The following DHX33 variants were observed in gnomAD, a reference collection of about 807,000 sequenced individuals.
The protein encoded by DHX33 is DEAH-box helicase 33.
A neutral mutation model predicts 72.5 loss-of-function variants in DHX33; 42 were observed. The ratio of observed to expected loss-of-function variants is 0.58; its 90% confidence interval spans 0.45 to 0.75. DHX33 has a LOEUF of 0.75. Ranked by LOEUF, DHX33 falls within the 30% of genes least tolerant of loss-of-function variation. The pLI, the probability that DHX33 is intolerant of heterozygous loss-of-function variation, is 0.00. For missense variants in DHX33, 842 were observed against 917.5 expected (o/e 0.92, Z 1.06); for synonymous variants, 358 against 366.1 (o/e 0.98, Z 0.25).
chr17:5,468,499 C>A, intron 1 of DHX33, 72 bp downstream of exon 1: 1 of 1,518,234 alleles, frequency 6.6e-7, no homozygotes, highest in Non-Finnish European at 8.9e-7. Context: ...GATTGAGAGG[C>A]ATGTAAGAAA....
chr17:5,463,802 C>G (rs995426685), intron 1 of DHX33, 113 bp from the exon 2 acceptor site: 6 of 1,064,824 alleles, frequency 5.6e-6, no homozygotes, highest in Non-Finnish European at 5.2e-6. Flanking sequence ...AGGAGGCTCT[C>G]TTGAGCCCAG....
chr17:5,456,118 C>T lies in DHX33; in HGVS notation c.914G>A (p.Ser305Asn), dbSNP rs1917181156. The change falls in exon 5 of 12, where the codon AGC (serine) becomes AAC (asparagine). Residue 305 changes from serine to asparagine, a missense_variant. By Grantham distance (46) the Ser-to-Asn change is conservative. Coordinates refer to ENST00000225296, the MANE Select transcript of DHX33 (RefSeq NM_020162.4). ...LTGQEEIEAM[S>N]KTCRDIAKHL... ...CTTTGCAATGTCTCGGCACGTCTTG[C>T]TCATGGCTTCGATCTCCTCCTGCCC... The T allele has an allele frequency of 7.4e-6, 12 of 1,614,136 alleles. No homozygotes were observed. Among genetic ancestry groups the T allele is most frequent in the African/African-American group, 1.3e-5 (1 of 75,042 alleles).
chr17:5,462,770 A>G (rs888090754), intron 2 of DHX33, among the ~76,000 whole-genome samples: 11 of 152,098 alleles, frequency 7.2e-5, no homozygotes, highest in Non-Finnish European at 1.6e-4. Context: ...TTAACCTTCT[A>G]CCTCAAGCTA....
intron 11 of DHX33, among the ~76,000 whole-genome samples, chr17:5,445,753 A>G (rs548164458): frequency 2.0e-5 from 3 of 152,322 alleles, no homozygotes; most frequent in Admixed American, 1.3e-4. Context: ...AAAGGTGAGA[A>G]AAGGGAAGGA....
chr17:5,459,807 A>C (rs1285156439), intron 4 of DHX33, among the ~76,000 whole-genome samples: 1 of 152,074 alleles, frequency 6.6e-6, no homozygotes, highest in Non-Finnish European at 1.5e-5. Context: ...TTCTTTAAAA[A>C]ATAATTTTTA....
intron 4 of DHX33, 142 bp downstream of exon 4, chr17:5,460,797 G>GC (rs1904562620): frequency 1.0e-6 from 1 of 1,004,728 alleles, no homozygotes; most frequent in Non-Finnish European, 1.4e-6. Context: ...GTGAGCCACC[G>GC]CACCTGGCCT....
chr17:5,462,229 C>G, intron 3 of DHX33, 90 bp downstream of exon 3: 1 of 1,278,302 alleles, frequency 7.8e-7, no homozygotes, highest in Non-Finnish European at 1.1e-6. Flanking sequence ...CGTGAGCCAC[C>G]GCGCCCAGCC....
rs770132802 is a variant in DHX33 at position 5,441,077 on chromosome 17, G to A, written c.*3128C>T. The A allele has an allele frequency of 6.6e-6, 1 of 151,616 alleles. No homozygotes were observed. Among genetic ancestry groups the A allele is most frequent in the South Asian group, 2.1e-4 (1 of 4,798 alleles). 9.4% of individuals were successfully genotyped at this position (151,616 alleles called of 1,614,324 possible). On this transcript the variant is annotated 3_prime_UTR_variant, in exon 12 of 12. Coordinates refer to ENST00000225296, the MANE Select transcript of DHX33 (RefSeq NM_020162.4). ...TTTTTTTTCTCCCTCTAGTTACCAAGGAATATCGTATCTCAGATGCATGGC... is the reference window on the plus strand; with the variant it reads ...TTTTTTTTCTCCCTCTAGTTACCAAAGAATATCGTATCTCAGATGCATGGC...
Position 5,463,521 on chromosome 17 carries a change from C to A in DHX33, c.450+8G>T, listed in dbSNP as rs1464569850. On this transcript the variant is annotated splice_region_variant and intron_variant, in intron 2 of 11. Coordinates refer to ENST00000225296, the MANE Select transcript of DHX33 (RefSeq NM_020162.4). The stretch of plus-strand genomic sequence containing the variant: ...AGAAGTACTAATAGTCAAGAAGGAA[C>A]CAGGTACCAGCTTCCCAAGTTCAGT... 6.2e-7 allele frequency: 1 copy of A among 1,613,288 alleles called. No homozygotes were observed. The highest frequency in any genetic ancestry group is 8.5e-7 in the Non-Finnish European group (1 of 1,179,612).
At chr17:5,445,999 G>T (rs1273765402) in intron 11 of DHX33, among the ~76,000 whole-genome samples, 1 of 152,050 alleles carries the variant, frequency 6.6e-6, no homozygotes, top group Non-Finnish European at 1.5e-5. Flanking sequence ...TAAGAGACAG[G>T]GTCTCACTCT....
chr17:5,464,251 G>T (rs1260264109), intron 1 of DHX33, among the ~76,000 whole-genome samples: 3 of 152,144 alleles, frequency 2.0e-5, no homozygotes, highest in Non-Finnish European at 4.4e-5. Flanking sequence ...TATTGCTTGA[G>T]CCTGAGAGGT....
chr17:5,468,921 AGAC>A lies in DHX33; in HGVS notation c.-65_-63del, dbSNP rs1274317230. ...AGAGCTCCTGCCCCCTCTCAGGTGC[AGAC>A]AACAGGAGCACACCGCCCCTTCCTC... On this transcript the variant is annotated 5_prime_UTR_variant, in exon 1 of 12. Transcript: ENST00000225296. 38 of 1,532,854 alleles carry A rather than the reference AGAC, an allele frequency of 2.5e-5. No homozygotes were observed. The highest frequency in any genetic ancestry group is 2.0e-4 in the Middle Eastern group (1 of 4,936). 95.0% of individuals were successfully genotyped at this position (1,532,854 alleles called of 1,614,324 possible). A position where few individuals can be genotyped will look rare whatever the true frequency, so the allele number is the denominator to read the frequency against.
intron 9 of DHX33, 23 bp from the exon 10 acceptor site, chr17:5,450,429 G>A (rs956127778): frequency 6.2e-7 from 1 of 1,609,214 alleles, no homozygotes. Context: ...ATTTAAAATT[G>A]TGTAAACCCA....
rs552619796 is a variant in DHX33, at chr17:5,453,517, A to G, written c.1396+63T>C. The stretch of plus-strand genomic sequence containing the variant: ...GACCAATATACTTTATTTTTTTGGA[A>G]GTGTCCATTTGTTGTTGTTTGTCTC... On this transcript the variant is annotated intron_variant, in intron 8 of 11. Transcript: ENST00000225296. 4.2e-5 allele frequency: 55 copies of G among 1,300,934 alleles called. No individual in the cohort carries two copies. The African/African-American group carries it at 7.7e-4, about 18-fold the overall frequency. 80.6% of individuals were successfully genotyped at this position (1,300,934 alleles called of 1,614,324 possible).
At position 5,463,705 on chromosome 17, in the gene DHX33, A is replaced by T. The variant is rs546513843; in HGVS notation, c.290-16T>A. On this transcript the variant is annotated splice_polypyrimidine_tract_variant and intron_variant, in intron 1 of 11. Coordinates refer to ENST00000225296, the MANE Select transcript of DHX33 (RefSeq NM_020162.4). ...CCAGTTTCCCCTAGGAGAGAGGGGG[A>T]AAAAAAAAAAAGGCTCACTGAAATG... The T allele has an allele frequency of 1.4e-5, 3 of 214,374 alleles. No individual in the cohort carries two copies. Among genetic ancestry groups the T allele is most frequent in the Non-Finnish European group, 2.0e-5 (3 of 148,558 alleles). 13.3% of individuals were successfully genotyped at this position (214,374 alleles called of 1,614,324 possible).
intron 4 of DHX33, among the ~76,000 whole-genome samples, chr17:5,458,547 C>T (rs148259879): frequency 0.011 from 1,716 of 151,960 alleles, 32 homozygotes; most frequent in African/African-American, 0.039. Context: ...CGGGAGTTCA[C>T]GACCAGCCTG....
At position 5,463,610 on chromosome 17, in the gene DHX33, A is replaced by G. The variant is rs966177975; in HGVS notation, c.369T>C (p.Ala123=). 12 of 1,614,042 alleles carry G rather than the reference A, an allele frequency of 7.4e-6. No homozygotes were observed. Among genetic ancestry groups the G allele is most frequent in the Admixed American group, 3.3e-5 (2 of 60,000 alleles). The change falls in exon 2 of 12, where the codon GCT becomes GCC. Residue 123 remains alanine, a synonymous_variant. Transcript: ENST00000225296. Reference sequence around the variant, plus strand: ...CAGCTACTCGACGAGGCTGGGTCACAGCAATGATGCCCTGGCGGCTGATCC... The same window carrying G: ...CAGCTACTCGACGAGGCTGGGTCACGGCAATGATGCCCTGGCGGCTGATCC... ...EGGISRQGII[A]VTQPRRVAAI... is the part of the protein sequence containing the mutation.
In DHX33 at chr17:5,461,002, G is replaced by A. The variant is rs369674975; in HGVS notation, c.786C>T (p.Tyr262=). 2 of 1,614,106 alleles carry A rather than the reference G, an allele frequency of 1.2e-6. No individual in the cohort carries two copies. The highest frequency in any genetic ancestry group is 1.7e-6 in the Non-Finnish European group (2 of 1,179,986). ...GGTAATCATTCTGAGGCTGTTTGGT[G>A]TAAAACACCTGGATCGGATGCTGCC... ...EGRQHPIQVF[Y]TKQPQNDYLH... is the part of the protein sequence containing the mutation. Residue 262 remains tyrosine, a synonymous_variant, in exon 4 of 12, where the codon TAC becomes TAT. Transcript: ENST00000225296.
Position 5,443,820 on chromosome 17 carries a change from T to C in DHX33, c.*385A>G, listed in dbSNP as rs141611403. ...TTCAGCCTAACGGCTCCCAACTCAC[T>C]GTACGTGTGTCGTGCGTGCTCCAGG... On this transcript the variant is annotated 3_prime_UTR_variant, in exon 12 of 12. Transcript: ENST00000225296. The C allele has an allele frequency of 5.4e-4, 81 of 148,688 alleles. No individual in the cohort carries two copies. Among genetic ancestry groups the C allele is most frequent in the Middle Eastern group, 5.5e-3 (2 of 362 alleles). 9.2% of individuals were successfully genotyped at this position (148,688 alleles called of 1,614,324 possible).
Sources: gnomAD v4.1 joint callset for allele counts (sites outside exome capture counted in the v4.1 genomes callset) on GRCh38, gnomAD v4.1.1 for gene constraint, MANE v1.5 for transcripts, NCBI Gene and HGNC (gene_info 2026-07-23, HGNC 2026-07-21) for gene names.